The following MAGI1 variants were observed in gnomAD, a reference collection of about 807,000 sequenced individuals.
MAGI1 encodes membrane-associated guanylate kinase, WW and PDZ domain-containing protein 1.
Under a neutral mutation model 139.9 loss-of-function variants are expected in MAGI1, and 58 were observed. The ratio of observed to expected loss-of-function variants is 0.41; its 90% CI spans 0.34 to 0.52. The LOEUF is 0.52. MAGI1 is among the 20% of genes least tolerant of loss of function. The probability of loss-of-function intolerance (pLI) is 0.12; values close to 1 mark genes in which losing one functional copy is unlikely to be tolerated. For synonymous variants in MAGI1, 812 were observed against 737.9 expected, an observed-to-expected ratio of 1.10 and a Z score of -1.63; for missense variants, 1,874 against 1,901.6, an observed-to-expected ratio of 0.99 and a Z score of 0.27.
chr3:65,959,974 T>A (rs1421432323), intron 1 of MAGI1, among the ~76,000 whole-genome samples: 1 of 150,774 alleles, frequency 6.6e-6, no homozygotes, highest in African/African-American at 2.4e-5. Flanking sequence ...CCCAGCTAAT[T>A]TTTTTGTATT....
intron 2 of MAGI1, among the ~76,000 whole-genome samples, chr3:65,547,992 A>T (rs1327937901): frequency 6.6e-6 from 1 of 152,344 alleles, no homozygotes; most frequent in East Asian, 1.9e-4. Flanking sequence ...TAAATGAAGT[A>T]ATTGAGGAAC....
intron 2 of MAGI1, among the ~76,000 whole-genome samples, chr3:65,509,569 T>G (rs945602752): frequency 6.6e-6 from 1 of 152,120 alleles, no homozygotes; most frequent in African/African-American, 2.4e-5. Context: ...ATCGGGTCAC[T>G]CCCACCCGAA....
rs951578839 is a variant in MAGI1 at position 65,483,637 on chromosome 3, G to A, written c.551-4839C>T. Among the ~76,000 whole-genome samples, 6 of 152,220 alleles carry A rather than the reference G, an allele frequency of 3.9e-5. No homozygotes were observed. In the South Asian group the frequency reaches 6.2e-4, roughly 16 times the overall value. The stretch of plus-strand genomic sequence containing the variant: ...AGGCTGATTATCCCACAGGCTCTGC[G>A]TTATCCAACACACGTTTCCTGCAGT... On this transcript the variant is annotated intron_variant, in intron 3 of 22. Transcript: ENST00000402939.
At chr3:65,981,396 A>C (rs1160960542) in intron 1 of MAGI1, among the ~76,000 whole-genome samples, 1 of 152,120 alleles carries the variant, frequency 6.6e-6, no homozygotes, top group Non-Finnish European at 1.5e-5. Context: ...ATTAAGCATA[A>C]CTTTGGAGTT....
chr3:65,908,141 G>C (rs2061510978), intron 1 of MAGI1, among the ~76,000 whole-genome samples: 1 of 152,070 alleles, frequency 6.6e-6, no homozygotes, highest in African/African-American at 2.4e-5. Flanking sequence ...AATAACAGAA[G>C]ACATCAAATA....
chr3:65,397,263 C>T (rs749432591), intron 13 of MAGI1, among the ~76,000 whole-genome samples: 16 of 152,120 alleles, frequency 1.1e-4, no homozygotes, highest in African/African-American at 1.7e-4. Context: ...ATGATCTAGG[C>T]CAGGGTCACT....
At chr3:65,967,911 G>C (rs927061478) in intron 1 of MAGI1, among the ~76,000 whole-genome samples, 12 of 152,324 alleles carry the variant, frequency 7.9e-5, no homozygotes, top group African/African-American at 2.9e-4. Flanking sequence ...GCGTGAGTCT[G>C]CAGCGGTAAT....
chr3:65,837,071 C>T (rs971240787), intron 1 of MAGI1, among the ~76,000 whole-genome samples: 3 of 152,070 alleles, frequency 2.0e-5, no homozygotes, highest in African/African-American at 7.2e-5. Flanking sequence ...GAAGTAACTA[C>T]TGACACCATC....
At chr3:65,378,984 T>G (rs558571528) in intron 17 of MAGI1, among the ~76,000 whole-genome samples, 78 of 152,264 alleles carry the variant, frequency 5.1e-4, no homozygotes, top group Admixed American at 1.0e-3. Flanking sequence ...GCCCGGCTGC[T>G]ATTCAAATTT....
At chr3:65,487,916 CTTAAAT>C (rs1951728144) in intron 3 of MAGI1, among the ~76,000 whole-genome samples, 1 of 152,184 alleles carries the variant, frequency 6.6e-6, no homozygotes, top group Admixed American at 6.5e-5. Context: ...TGTGTGGCTA[CTTAAAT>C]TTAAATGAGT....
intron 1 of MAGI1, among the ~76,000 whole-genome samples, chr3:65,834,954 T>G (rs2042728683): frequency 6.6e-6 from 1 of 152,226 alleles, no homozygotes; most frequent in Non-Finnish European, 1.5e-5. Context: ...ATCCTTTTAC[T>G]TTGAACCTGC....
intron 1 of MAGI1, among the ~76,000 whole-genome samples, chr3:66,037,375 T>G (rs1008381582): frequency 2.6e-5 from 4 of 152,060 alleles, no homozygotes; most frequent in African/African-American, 9.7e-5. Flanking sequence ...CAAGCACCCC[T>G]TCCCCCTCTC....
chr3:65,481,474 A>AG (rs1389144221), intron 3 of MAGI1, among the ~76,000 whole-genome samples: 6 of 152,216 alleles, frequency 3.9e-5, no homozygotes, highest in African/African-American at 1.4e-4. Flanking sequence ...CTGCATAGTG[A>AG]GAAAAAAAGG....
At chr3:65,497,756 T>C (rs1010024712) in intron 2 of MAGI1, among the ~76,000 whole-genome samples, 1 of 152,200 alleles carries the variant, frequency 6.6e-6, no homozygotes, top group African/African-American at 2.4e-5. Context: ...GGGGTCTTAA[T>C]TTCCTGAGAG....
intron 10 of MAGI1, among the ~76,000 whole-genome samples, chr3:65,433,731 G>A (rs1479711314): frequency 6.6e-6 from 1 of 151,914 alleles, no homozygotes; most frequent in Non-Finnish European, 1.5e-5. Flanking sequence ...GGATGTTCTG[G>A]GTCTTGGCCC....
intron 1 of MAGI1, among the ~76,000 whole-genome samples, chr3:65,937,876 C>T (rs75088778): frequency 0.058 from 8,847 of 151,764 alleles, 368 homozygotes; most frequent in Middle Eastern, 0.1. Context: ...ATTAATCAGG[C>T]TATCATTCCG....
chr3:65,845,591 C>T (rs906629371), intron 1 of MAGI1, among the ~76,000 whole-genome samples: 9 of 152,182 alleles, frequency 5.9e-5, no homozygotes, highest in African/African-American at 2.2e-4. Context: ...ATTTTAGTTT[C>T]CAGCCGGGTC....
At chr3:65,695,074 C>A (rs2089031031) in intron 1 of MAGI1, among the ~76,000 whole-genome samples, 1 of 152,034 alleles carries the variant, frequency 6.6e-6, no homozygotes, top group African/African-American at 2.4e-5. Flanking sequence ...AAGAAGGTCC[C>A]CAAATTAATA....
chr3:65,500,931 G>A (rs942566881), intron 2 of MAGI1, among the ~76,000 whole-genome samples: 2 of 152,174 alleles, frequency 1.3e-5, no homozygotes, highest in African/African-American at 4.8e-5. Context: ...ATTTGCATCT[G>A]ATAAATATCC....
Sources: allele counts gnomAD v4.1 joint callset (sites outside exome capture counted in the v4.1 genomes callset), GRCh38; gene constraint gnomAD v4.1.1; transcripts MANE v1.5; gene names NCBI Gene and HGNC (gene_info 2026-07-23, HGNC 2026-07-21).